USP33: variants seen among roughly 807,000 people sequenced by gnomAD.
The protein encoded by USP33 is ubiquitin specific peptidase 33.
USP33 carries 46 observed loss-of-function variants against 124.2 expected under a neutral mutation model. The observed-to-expected ratio is 0.37, with a 90% confidence interval of 0.29 to 0.47. The LOEUF is 0.47. Among genes scored for constraint, USP33 ranks in the 20% least tolerant of loss-of-function variants. USP33 has a pLI of 0.99. For missense variants in USP33, 851 were observed against 1,070.6 expected (o/e 0.79, Z 2.86); for synonymous variants, 350 against 352.3 (o/e 0.99, Z 0.07).
chr1:77,697,059 G>A lies in USP33; in HGVS notation c.*258C>T, dbSNP rs1673490772. 1 of 249,166 alleles carries A rather than the reference G, an allele frequency of 4.0e-6. No individual in the cohort carries two copies. Among genetic ancestry groups the A allele is most frequent in the Non-Finnish European group, 7.6e-6 (1 of 132,070 alleles). The allele number at this position is 249,166 out of a possible 1,614,324, so 15.4% of individuals were successfully genotyped here. ...GTAACACCACAGCACTCCAGCCTGG[G>A]TGACAAAGCAAGACTCTGTCTCAAA... On this transcript the variant is annotated 3_prime_UTR_variant, in exon 24 of 24. Coordinates refer to ENST00000370794, the MANE Select transcript of USP33 (RefSeq NM_201624.3).
At chr1:77,753,674 C>T (rs1680551401) in intron 1 of USP33, among the ~76,000 whole-genome samples, 1 of 151,894 alleles carries the variant, frequency 6.6e-6, no homozygotes, top group Non-Finnish European at 1.5e-5. Context: ...CAAGGCTCCA[C>T]TATCTCCTAG....
chr1:77,732,289 G>A (rs1677913329), intron 7 of USP33, among the ~76,000 whole-genome samples: 1 of 151,816 alleles, frequency 6.6e-6, no homozygotes, highest in Non-Finnish European at 1.5e-5. Context: ...CCTTTCTCTA[G>A]TTACTCTACC....
chr1:77,714,332 A>G (rs1675627886), intron 19 of USP33, among the ~76,000 whole-genome samples: 3 of 152,236 alleles, frequency 2.0e-5, no homozygotes, highest in Non-Finnish European at 4.4e-5. Flanking sequence ...ATGAAATTAG[A>G]GCTTTCACAG....
At chr1:77,738,811 G>A (rs1301735743) in intron 5 of USP33, among the ~76,000 whole-genome samples, 1 of 152,128 alleles carries the variant, frequency 6.6e-6, no homozygotes, top group East Asian at 1.9e-4. Flanking sequence ...CCCAAAGACT[G>A]ATGCTAAGCT....
rs534764365 is a variant in USP33 at position 77,729,843 on chromosome 1, A to G, written c.717+17T>C. The G allele has an allele frequency of 6.2e-7, 1 of 1,603,988 alleles. No homozygotes were observed. The highest frequency in any genetic ancestry group is 1.3e-5 in the African/African-American group (1 of 74,460). On this transcript the variant is annotated intron_variant, in intron 9 of 23. Coordinates refer to ENST00000370794, the MANE Select transcript of USP33 (RefSeq NM_201624.3). ...TTTATTTAGATTAAAATTACAAATGAAAAGCAATAAACTAACCTGCTGAGA... is the reference window on the plus strand; with the variant it reads ...TTTATTTAGATTAAAATTACAAATGGAAAGCAATAAACTAACCTGCTGAGA...
intron 10 of USP33, 31 bp downstream of exon 10, chr1:77,728,264 C>A (rs1677383550): frequency 6.5e-7 from 1 of 1,532,304 alleles, no homozygotes; most frequent in South Asian, 1.3e-5. Flanking sequence ...GAAATACTAT[C>A]ATTTTCATGA....
chr1:77,750,000 A>G (rs545527532), intron 1 of USP33, among the ~76,000 whole-genome samples: 4 of 152,222 alleles, frequency 2.6e-5, no homozygotes, highest in Non-Finnish European at 5.9e-5. Flanking sequence ...TCTGCTATTA[A>G]TTTTGCATTA....
At chr1:77,741,590 T>G (rs1387690589) in intron 2 of USP33, 27 bp downstream of exon 2, 1 of 1,568,590 alleles carries the variant, frequency 6.4e-7, no homozygotes, top group Non-Finnish European at 8.6e-7. Context: ...GAATAGTTTT[T>G]CAAGGAAGAA....
In USP33 at chr1:77,725,744, T is replaced by G. The variant is rs758387481; in HGVS notation, c.1154A>C (p.His385Pro). Residue 385 changes from histidine to proline, a missense_variant, in exon 11 of 24, where the codon CAT (histidine) becomes CCT (proline). By Grantham distance (77) the His-to-Pro change is moderately conservative (BLOSUM62 -2). Around this residue, in one of 4 missense-constraint regions of USP33, gnomAD observed 207 missense variants for 200.9 expected, o/e 1.03. Coordinates refer to ENST00000370794, the MANE Select transcript of USP33 (RefSeq NM_201624.3). ...SRASEYITDV[H>P]SNDLSTPQIL... is the part of the protein sequence containing the mutation. ...CTGTGGTGTAGACAGGTCATTCGAA[T>G]GGACATCAGTGATATATTCTGTAAG... 9 of 1,612,930 alleles carry G rather than the reference T, an allele frequency of 5.6e-6. No homozygotes were observed. The highest frequency in any genetic ancestry group is 1.6e-4 in the Middle Eastern group (1 of 6,062).
rs867578609 is a variant in USP33, at chr1:77,750,636, G to C, written c.-51-8888C>G. Among the ~76,000 whole-genome samples, 797 of 126,718 alleles carry C rather than the reference G, an allele frequency of 6.3e-3. 9 individuals are homozygous for C. Among genetic ancestry groups the C allele is most frequent in the Middle Eastern group, 0.019 (5 of 266 alleles). 83.1% of individuals were successfully genotyped at this position (126,718 alleles called of 152,430 possible). A position where few individuals can be genotyped will look rare whatever the true frequency, so the allele number is the denominator to read the frequency against. On this transcript the variant is annotated intron_variant, in intron 1 of 23. Coordinates refer to ENST00000370794, the MANE Select transcript of USP33 (RefSeq NM_201624.3). ...GACCCTGACTTAAAAAAGAAAGAAA[G>C]AAAGAAAGAAAGAAAGAAAGAAAGA...
chr1:77,723,234 G>A, intron 12 of USP33, 97 bp downstream of exon 12: 1 of 897,910 alleles, frequency 1.1e-6, no homozygotes, highest in African/African-American at 1.7e-5. Flanking sequence ...CTCATCAATA[G>A]CAAAGAGAAG....
chr1:77,749,734 A>G (rs1383979410), intron 1 of USP33, among the ~76,000 whole-genome samples: 1 of 152,158 alleles, frequency 6.6e-6, no homozygotes, highest in Non-Finnish European at 1.5e-5. Flanking sequence ...TTGTTTACTG[A>G]AAGTATTTAA....
chr1:77,719,695 A>G lies in USP33; in HGVS notation c.1692-1054T>C, dbSNP rs568427326. Among the ~76,000 whole-genome samples the G allele has an allele frequency of 3.0e-4, 45 of 152,022 alleles. 1 individual carries two copies. Among genetic ancestry groups the G allele is most frequent in the African/African-American group, 1.1e-3 (45 of 41,456 alleles). Reference sequence around the variant, plus strand: ...TGGCAAAACCCCATCTCAACTAAAAATACAAAAATTAGCTGGGTGTGGTGG... The same window carrying G: ...TGGCAAAACCCCATCTCAACTAAAAGTACAAAAATTAGCTGGGTGTGGTGG... On this transcript the variant is annotated intron_variant, in intron 15 of 23. Transcript: ENST00000370794.
chr1:77,702,160 A>AC (rs1674104713), intron 21 of USP33, among the ~76,000 whole-genome samples: 1 of 140,704 alleles, frequency 7.1e-6, no homozygotes, highest in Non-Finnish European at 1.5e-5. Context: ...AAAAAAAAAA[A>AC]AAAAAAAAAA....
rs1051904575 is a variant in USP33 at position 77,759,795 on chromosome 1, G to C, written c.-204C>G. 5.0e-6 allele frequency: 2 copies of C among 397,584 alleles called. No homozygotes were observed. The highest frequency in any genetic ancestry group is 4.1e-5 in the African/African-American group (2 of 48,582). 24.6% of individuals were successfully genotyped at this position (397,584 alleles called of 1,614,324 possible). The stretch of plus-strand genomic sequence containing the variant: ...CGGCCCCGCAGCGCTGCCCTCGGGG[G>C]GTCCGCCTCCTGAACTGGCCACTTC... On this transcript the variant is annotated 5_prime_UTR_variant, in exon 1 of 24. Coordinates refer to ENST00000370794, the MANE Select transcript of USP33 (RefSeq NM_201624.3).
chr1:77,718,794 T>C (rs1165503277), intron 15 of USP33, 153 bp from the exon 16 acceptor site: 4 of 591,456 alleles, frequency 6.8e-6, no homozygotes, highest in Admixed American at 3.0e-5. Context: ...CCAGGCATGG[T>C]GGCACATGCC....
At chr1:77,715,995 T>A (rs1675836234) in intron 17 of USP33, 127 bp from the exon 18 acceptor site, 1 of 1,065,744 alleles carries the variant, frequency 9.4e-7, no homozygotes, top group Non-Finnish European at 1.3e-6. Flanking sequence ...CTTGTATTTT[T>A]TTTTCAGTTT....
At position 77,711,832 on chromosome 1, in the gene USP33, T is replaced by C; in HGVS notation, c.2321A>G (p.Asn774Ser). The C allele has an allele frequency of 6.2e-7, 1 of 1,605,350 alleles. No homozygotes were observed. The highest frequency in any genetic ancestry group is 8.5e-7 in the Non-Finnish European group (1 of 1,177,632). ...YSRYGGGPAV[N>S]HLYICHTCQI... ...GCAAGTATGACAAATGTACAGATGGTTGACAGCTGGTCCTCCACCATACCT... is the reference window on the plus strand; with the variant it reads ...GCAAGTATGACAAATGTACAGATGGCTGACAGCTGGTCCTCCACCATACCT... Residue 774 changes from asparagine to serine, a missense_variant, in exon 21 of 24, where the codon AAC becomes AGC. Asn to Ser is a conservative substitution (Grantham distance 46). This residue lies in a region of USP33 where 281 missense variants were observed against 425.0 expected (regional missense o/e 0.66). Coordinates refer to ENST00000370794, the MANE Select transcript of USP33 (RefSeq NM_201624.3).
rs761891750 is a variant in USP33, at chr1:77,697,277, T to C, written c.*40A>G. The C allele has an allele frequency of 1.3e-6, 2 of 1,539,804 alleles. No homozygotes were observed. The highest frequency in any genetic ancestry group is 1.4e-5 in the African/African-American group (1 of 72,094). On this transcript the variant is annotated 3_prime_UTR_variant, in exon 24 of 24. Transcript: ENST00000370794. ...TCGCATGTGTACATGTCAGGGCACA[T>C]GAAAATGATTCCTCATTAGAACTCT...
Sources: gnomAD v4.1 joint callset for allele counts (sites outside exome capture counted in the v4.1 genomes callset) on GRCh38, gnomAD v4.1.1 for gene constraint, gnomAD v4.1.1 regional missense constraint, MANE v1.5 for transcripts, NCBI Gene and HGNC (gene_info 2026-07-23, HGNC 2026-07-21) for gene names.